The following SPTBN1 variants were observed in gnomAD, a reference collection of about 807,000 sequenced individuals.
SPTBN1 encodes spectrin beta chain, non-erythrocytic 1.
SPTBN1 carries 32 observed loss-of-function variants against 266.4 expected under a neutral mutation model. That is an observed-to-expected ratio of 0.12 (90% CI 0.09 to 0.16). The LOEUF is 0.16. SPTBN1 is among the 10% of genes least tolerant of loss of function. The pLI, the probability that SPTBN1 is intolerant of heterozygous loss-of-function variation, is 1.00. For missense variants in SPTBN1, 2,296 were observed against 3,067.1 expected (o/e 0.75, Z 5.94); for synonymous variants, 1,336 against 1,162.2 (o/e 1.15, Z -3.04).
At chr2:54,574,265 G>C (rs183685674) in intron 2 of SPTBN1, among the ~76,000 whole-genome samples, 1 of 152,244 alleles carries the variant, frequency 6.6e-6, no homozygotes, top group East Asian at 1.9e-4. Context: ...AAGGCTTGGA[G>C]AGAATGCCAT....
At position 54,629,366 on chromosome 2, in the gene SPTBN1, C is replaced by A; in HGVS notation, c.2232C>A (p.Ser744=). The A allele has an allele frequency of 6.2e-7, 1 of 1,614,090 alleles. No homozygotes were observed. The highest frequency in any genetic ancestry group is 8.5e-7 in the Non-Finnish European group (1 of 1,180,008). Residue 744 remains serine (S), a synonymous_variant, in exon 14 of 36, where the codon TCC becomes TCA. Coordinates refer to ENST00000356805, the MANE Select transcript of SPTBN1 (RefSeq NM_003128.3). ...GGAAGAAGCGCCTGGAGGAGGCCTC[C>A]CTGCTGCACCAGTTCCAGGCAGATG... ...AIRKKRLEEA[S]LLHQFQADAD...
intron 1 of SPTBN1, among the ~76,000 whole-genome samples, chr2:54,510,160 T>C (rs1188202072): frequency 1.3e-5 from 2 of 152,056 alleles, no homozygotes; most frequent in Non-Finnish European, 2.9e-5. Context: ...GGTTTCACCA[T>C]GTTGGCCAGG....
chr2:54,536,736 G>T (rs62140299), intron 2 of SPTBN1, among the ~76,000 whole-genome samples: 10,901 of 152,238 alleles, frequency 0.072, 507 homozygotes, highest in Middle Eastern at 0.13. Flanking sequence ...TGGATATGGG[G>T]TAAAAGAAGG....
chr2:54,456,728 C>T (rs1307062593), intron 1 of SPTBN1, among the ~76,000 whole-genome samples: 1 of 150,290 alleles, frequency 6.7e-6, no homozygotes, highest in African/African-American at 2.4e-5. Context: ...GTCGCGGGTG[C>T]TCATTGGTAC....
intron 1 of SPTBN1, among the ~76,000 whole-genome samples, chr2:54,465,879 T>C (rs1041725309): frequency 3.3e-5 from 5 of 152,078 alleles, no homozygotes; most frequent in Admixed American, 2.0e-4. Context: ...TCTCTAAGTG[T>C]GTTGGTACTT....
intron 1 of SPTBN1, among the ~76,000 whole-genome samples, chr2:54,522,015 A>C (rs894919070): frequency 6.6e-6 from 1 of 151,342 alleles, no homozygotes. Context: ...CTCCTACCTC[A>C]GCCTCCCAAG....
chr2:54,604,739 G>A (rs1282581077), intron 3 of SPTBN1, among the ~76,000 whole-genome samples: 1 of 152,176 alleles, frequency 6.6e-6, no homozygotes, highest in Non-Finnish European at 1.5e-5. Context: ...TAAAGGTTTA[G>A]GACTAGACGG....
chr2:54,528,989 TGGGACAGAA>T lies in SPTBN1; in HGVS notation c.148+2425_148+2433del, dbSNP rs1345924993. Among the ~76,000 whole-genome samples, 1,447 of 152,352 alleles carry T rather than the reference TGGGACAGAA, an allele frequency of 9.5e-3. 31 individuals carry two copies. The highest frequency in any genetic ancestry group is 0.033 in the African/African-American group (1,372 of 41,586). Reference sequence around the variant, plus strand: ...CTTATTATTTTACTTCCTTATTCTGTGGGACAGAAGAATCTCTTGAGTCCTCTAAAAAAC... The same window carrying T: ...CTTATTATTTTACTTCCTTATTCTGTGAATCTCTTGAGTCCTCTAAAAAAC... On this transcript the variant is annotated intron_variant, in intron 2 of 35. Coordinates refer to ENST00000356805, the MANE Select transcript of SPTBN1 (RefSeq NM_003128.3).
rs754546674 is a variant in SPTBN1 at position 54,623,485 on chromosome 2, T to C, written c.1071T>C (p.Thr357=). ...YRTVEKPPKF[T]EKGNLEVLLF... ...TGTTTTCCCCTGTGTTTAGATTTAC[T>C]GAGAAGGGGAACTTGGAAGTGCTGC... Residue 357 remains threonine, a synonymous_variant, in exon 10 of 36, where the codon ACT becomes ACC. Transcript: ENST00000356805. 1 of 1,613,982 alleles carries C rather than the reference T, an allele frequency of 6.2e-7. No homozygotes were observed. The highest frequency in any genetic ancestry group is 8.5e-7 in the Non-Finnish European group (1 of 1,179,876).
chr2:54,542,376 C>T (rs1398723644), intron 2 of SPTBN1, among the ~76,000 whole-genome samples: 1 of 152,190 alleles, frequency 6.6e-6, no homozygotes, highest in Non-Finnish European at 1.5e-5. Flanking sequence ...CGAGGAGTGC[C>T]GTGGTGCCAA....
At position 54,628,389 on chromosome 2, in the gene SPTBN1, T is replaced by G; in HGVS notation, c.1798+139T>G. 2.7e-6 allele frequency: 3 copies of G among 1,116,690 alleles called. No individual in the cohort carries two copies. Among genetic ancestry groups the G allele is most frequent in the Non-Finnish European group, 3.6e-6 (3 of 828,964 alleles). 69.2% of individuals were successfully genotyped at this position (1,116,690 alleles called of 1,614,324 possible). A position where few individuals can be genotyped will look rare whatever the true frequency, so the allele number is the denominator to read the frequency against. On this transcript the variant is annotated intron_variant, in intron 13 of 35. Transcript: ENST00000356805. This position sits in a 1 kb window ranked among gnomAD's most constrained non-coding sequence, Gnocchi z 4.3. ...CATGGGAGCATGAAATACGGTGGAG[T>G]GGCCTTCTGAACACTAACTCCATCT...
chr2:54,511,228 A>T (rs1669842801), intron 1 of SPTBN1, among the ~76,000 whole-genome samples: 1 of 152,232 alleles, frequency 6.6e-6, no homozygotes, highest in African/African-American at 2.4e-5. Flanking sequence ...CTGGAAGCCA[A>T]AGTGAATCCA....
intron 1 of SPTBN1, among the ~76,000 whole-genome samples, chr2:54,480,033 T>G (rs1158282422): frequency 6.6e-6 from 1 of 152,234 alleles, no homozygotes; most frequent in African/African-American, 2.4e-5. Flanking sequence ...ACTTAATTGC[T>G]TGCTTTATCT....
intron 2 of SPTBN1, among the ~76,000 whole-genome samples, chr2:54,570,235 C>G (rs1673965137): frequency 6.6e-6 from 1 of 152,148 alleles, no homozygotes; most frequent in Non-Finnish European, 1.5e-5. Context: ...CCCTTCTTAG[C>G]CTTTCTCTCT....
intron 1 of SPTBN1, among the ~76,000 whole-genome samples, chr2:54,493,558 C>T (rs1322908406): frequency 3.9e-5 from 6 of 151,930 alleles, no homozygotes; most frequent in Admixed American, 6.6e-5. Context: ...TGTATCACCA[C>T]GCCTGGCTAA....
intron 18 of SPTBN1, among the ~76,000 whole-genome samples, chr2:54,642,166 C>G (rs960576940): frequency 6.6e-5 from 10 of 152,340 alleles, no homozygotes; most frequent in Non-Finnish European, 1.5e-4. Context: ...CAGTAATGAG[C>G]CAGGGCCGAT....
rs1362301411 is a variant in SPTBN1 at position 54,622,551 on chromosome 2, C to T, written c.1064+64C>T. ...GACACATCACTGTAGCCAACAGATC[C>T]CTATGTTCTGATTTCTGTAATCTCA... is the stretch of plus-strand genomic sequence containing the variant. On this transcript the variant is annotated intron_variant, in intron 9 of 35. Transcript: ENST00000356805. The T allele has an allele frequency of 4.5e-6, 7 of 1,551,110 alleles. No homozygotes were observed. In the African/African-American group the frequency reaches 9.5e-5, roughly 21 times the overall value.
At chr2:54,592,883 C>G (rs986431528) in intron 2 of SPTBN1, among the ~76,000 whole-genome samples, 2 of 152,180 alleles carry the variant, frequency 1.3e-5, no homozygotes, top group Admixed American at 6.5e-5. Context: ...CTTAGCAGCC[C>G]TTAACCTCAC....
chr2:54,640,454 T>A (rs1679452410), intron 18 of SPTBN1, among the ~76,000 whole-genome samples: 1 of 152,178 alleles, frequency 6.6e-6, no homozygotes, highest in Admixed American at 6.5e-5. Context: ...AGCAATACAG[T>A]ATGCTGGCAT....
Sources: gnomAD v4.1 joint callset for allele counts (sites outside exome capture counted in the v4.1 genomes callset) on GRCh38, gnomAD v4.1.1 for gene constraint, Gnocchi (gnomAD v3.1) non-coding constraint, MANE v1.5 for transcripts, NCBI Gene and HGNC (gene_info 2026-07-23, HGNC 2026-07-21) for gene names.